The following ROBO2 variants were observed in gnomAD, a reference collection of about 807,000 sequenced individuals.
ROBO2 encodes the protein roundabout guidance receptor 2, also known as roundabout homolog 2.
In ROBO2, 53 loss-of-function variants were observed where a neutral mutation model predicts 160.8. The ratio of observed to expected loss-of-function variants is 0.33; its 90% CI spans 0.26 to 0.41. The LOEUF is 0.41. ROBO2 is among the 10% of genes least tolerant of loss of function. The probability of loss-of-function intolerance (pLI) is 1.00; values close to 1 mark genes in which losing one functional copy is unlikely to be tolerated. For synonymous variants in ROBO2, 664 were observed against 611.7 expected, an observed-to-expected ratio of 1.09 and a Z score of -1.26; for missense variants, 1,577 against 1,722.4, an observed-to-expected ratio of 0.92 and a Z score of 1.49.
intron 2 of ROBO2, among the ~76,000 whole-genome samples, chr3:77,376,616 C>G (rs1164823467): frequency 1.3e-5 from 2 of 152,114 alleles, no homozygotes; most frequent in South Asian, 2.1e-4. Context: ...CCTTTTCTCC[C>G]TAGGTTGGTT....
At chr3:76,350,842 A>G (rs1331935832) in intron 2 of ROBO2, among the ~76,000 whole-genome samples, 1 of 151,958 alleles carries the variant, frequency 6.6e-6, no homozygotes, top group South Asian at 2.1e-4. Context: ...ACATTTTTTC[A>G]TGAAGACAAA....
At chr3:76,022,619 C>CT (rs146333517) in intron 2 of ROBO2, among the ~76,000 whole-genome samples, 3 of 151,638 alleles carry the variant, frequency 2.0e-5, no homozygotes, top group South Asian at 2.1e-4. Flanking sequence ...TGAAAGGACT[C>CT]TTTTTTCTGA....
intron 2 of ROBO2, among the ~76,000 whole-genome samples, chr3:76,717,468 G>A (rs551094591): frequency 4.3e-4 from 64 of 149,526 alleles, no homozygotes; most frequent in African/African-American, 1.5e-3. Context: ...TCCACCCTGG[G>A]CGACAGAGTG....
intron 2 of ROBO2, among the ~76,000 whole-genome samples, chr3:77,442,267 G>A (rs186262266): frequency 1.8e-4 from 28 of 151,850 alleles, no homozygotes; most frequent in Non-Finnish European, 3.5e-4. Context: ...AGCTGAGATC[G>A]CGCCACTGAA....
intron 2 of ROBO2, among the ~76,000 whole-genome samples, chr3:77,388,800 A>G (rs934090285): frequency 1.3e-5 from 2 of 152,248 alleles, no homozygotes; most frequent in African/African-American, 2.4e-5. Context: ...ATACACCAAT[A>G]AAATCTATAA....
chr3:77,022,139 G>A (rs1417254463), intron 2 of ROBO2, among the ~76,000 whole-genome samples: 1 of 151,774 alleles, frequency 6.6e-6, no homozygotes, highest in African/African-American at 2.4e-5. Context: ...GGAAGCCGAG[G>A]CAGGCAGATC....
Position 76,979,467 on chromosome 3 carries a change from T to C in ROBO2, c.110-118547T>C, listed in dbSNP as rs75517469. ...CACCTATAAGTGAGTACATGTAGTA[T>C]TTGACATTTTGTTTCTGAGTTGTTT... On this transcript the variant is annotated intron_variant, in intron 2 of 26. Coordinates refer to the ROBO2 transcript ENST00000487694. Among the ~76,000 whole-genome samples the C allele has an allele frequency of 5.1e-3, 777 of 152,196 alleles. 4 individuals carry two copies. Among genetic ancestry groups the C allele is most frequent in the African/African-American group, 0.018 (747 of 41,528 alleles).
Position 76,561,677 on chromosome 3 carries a change from G to A in ROBO2, c.110-536337G>A, listed in dbSNP as rs375405559. The stretch of plus-strand genomic sequence containing the variant: ...TCAGAGGATAAAAGCATTCTGATGT[G>A]ACTGGGATAAGACAAACATTCAGTG... On this transcript the variant is annotated intron_variant, in intron 2 of 26. Transcript: ENST00000487694. 2.7e-4 allele frequency among the ~76,000 whole-genome samples: 41 copies of A among 152,286 alleles called. 1 individual carries two copies. In the South Asian group the frequency reaches 2.7e-3, roughly 10 times the overall value.
At chr3:76,260,810 T>C (rs1270453212) in intron 2 of ROBO2, among the ~76,000 whole-genome samples, 1 of 152,154 alleles carries the variant, frequency 6.6e-6, no homozygotes, top group Non-Finnish European at 1.5e-5. Flanking sequence ...GTTAGTGTTC[T>C]ACATCTTACA....
intron 2 of ROBO2, among the ~76,000 whole-genome samples, chr3:75,964,736 C>T (rs1167810085): frequency 6.6e-6 from 1 of 151,492 alleles, no homozygotes; most frequent in African/African-American, 2.4e-5. Context: ...TTCAATTTCC[C>T]AGAACTCTAA....
chr3:76,664,691 T>C (rs962543824), intron 2 of ROBO2, among the ~76,000 whole-genome samples: 2 of 152,148 alleles, frequency 1.3e-5, no homozygotes, highest in Non-Finnish European at 2.9e-5. Flanking sequence ...GAAGAATGAG[T>C]CTTATTTTTC....
chr3:76,731,763 C>G (rs1461098653), intron 2 of ROBO2, among the ~76,000 whole-genome samples: 2 of 152,264 alleles, frequency 1.3e-5, no homozygotes, highest in East Asian at 3.9e-4. Context: ...CTCTCTAACA[C>G]TTTGTGAACA....
At chr3:76,195,572 G>A (rs1482760111) in intron 2 of ROBO2, among the ~76,000 whole-genome samples, 2 of 152,170 alleles carry the variant, frequency 1.3e-5, no homozygotes, top group African/African-American at 2.4e-5. Context: ...TCAGAGAAGA[G>A]AAGATACATA....
chr3:77,470,138 G>A (rs1260326994), intron 2 of ROBO2, among the ~76,000 whole-genome samples: 4 of 152,234 alleles, frequency 2.6e-5, no homozygotes, highest in Non-Finnish European at 5.9e-5. Context: ...TTACAGAAAT[G>A]TCCCTGATGA....
chr3:76,774,405 G>A (rs190576797), intron 2 of ROBO2, among the ~76,000 whole-genome samples: 89 of 151,018 alleles, frequency 5.9e-4, no homozygotes, highest in Admixed American at 1.2e-3. Flanking sequence ...CTTCTTATTT[G>A]ATTGAAAGAA....
intron 2 of ROBO2, among the ~76,000 whole-genome samples, chr3:76,903,356 C>G (rs765618000): frequency 1.3e-5 from 2 of 152,058 alleles, no homozygotes; most frequent in Non-Finnish European, 2.9e-5. Context: ...TCCAACTTTA[C>G]CCCTCAATTA....
intron 2 of ROBO2, among the ~76,000 whole-genome samples, chr3:77,163,279 A>G (rs1420272731): frequency 1.3e-5 from 2 of 152,348 alleles, no homozygotes; most frequent in African/African-American, 4.8e-5. Flanking sequence ...TCCTCTTGCC[A>G]TCTAAACATG....
intron 2 of ROBO2, among the ~76,000 whole-genome samples, chr3:76,580,143 A>AT (rs2085565625): frequency 6.6e-6 from 1 of 152,014 alleles, no homozygotes; most frequent in South Asian, 2.1e-4. Flanking sequence ...GGGGGCTGTT[A>AT]TATCATTTCT....
chr3:76,667,785 A>G (rs2092109745), intron 2 of ROBO2, among the ~76,000 whole-genome samples: 1 of 149,578 alleles, frequency 6.7e-6, no homozygotes, highest in Non-Finnish European at 1.5e-5. Flanking sequence ...TTTTCTTATT[A>G]TCTAATAAAA....
Sources: gnomAD v4.1 joint callset for allele counts (sites outside exome capture counted in the v4.1 genomes callset) on GRCh38, gnomAD v4.1.1 for gene constraint, MANE v1.5 for transcripts, NCBI Gene and HGNC (gene_info 2026-07-23, HGNC 2026-07-21) for gene names.